The following RAD51B variants were observed in gnomAD, a reference collection of about 807,000 sequenced individuals.
RAD51B encodes RAD51 paralog B.
RAD51B carries 38 observed loss-of-function variants against 42.2 expected under a neutral mutation model. That is an observed-to-expected ratio of 0.90 (90% CI 0.70 to 1.18). The LOEUF is 1.18. RAD51B is among the 50% of genes most tolerant of loss of function. The probability of loss-of-function intolerance (pLI) is 0.00; values close to 1 mark genes in which losing one functional copy is unlikely to be tolerated. For synonymous variants in RAD51B, 154 were observed against 145.2 expected (o/e 1.06, Z -0.43); for missense variants, 373 against 400.7 (o/e 0.93, Z 0.59).
At chr14:68,679,225 G>T (rs1893377540) in intron 11 of RAD51B, among the ~76,000 whole-genome samples, 1 of 152,130 alleles carries the variant, frequency 6.6e-6, no homozygotes, top group African/African-American at 2.4e-5. Flanking sequence ...GCAAACTTAT[G>T]ATCTAGGCTT....
At chr14:68,304,943 C>G (rs2081828852) in intron 8 of RAD51B, among the ~76,000 whole-genome samples, 1 of 152,182 alleles carries the variant, frequency 6.6e-6, no homozygotes, top group South Asian at 2.1e-4. Flanking sequence ...TATTGGATAT[C>G]TAGAGCAGCA....
rs187544968 is a variant in RAD51B at position 68,288,098 on chromosome 14, C to T, written c.757-3786C>T. Among the ~76,000 whole-genome samples the T allele has an allele frequency of 3.9e-5, 6 of 152,224 alleles. No homozygotes were observed. In the East Asian group the frequency reaches 7.7e-4, roughly 20 times the overall value. On this transcript the variant is annotated intron_variant, in intron 7 of 10. Coordinates refer to ENST00000471583, the MANE Select transcript of RAD51B (RefSeq NM_133510.4). ...AAAGCAGCAGGAAAACCCCATGAAG[C>T]GTCAGTTAGAAACCAGACTGTGTTG...
intron 5 of RAD51B, among the ~76,000 whole-genome samples, chr14:67,872,817 T>C (rs2042588483): frequency 6.6e-6 from 1 of 151,358 alleles, no homozygotes; most frequent in Admixed American, 6.6e-5. Flanking sequence ...TTGACAAACC[T>C]GAGAAAAACA....
intron 7 of RAD51B, among the ~76,000 whole-genome samples, chr14:68,260,183 G>A (rs950331189): frequency 3.3e-5 from 5 of 151,892 alleles, no homozygotes; most frequent in African/African-American, 1.2e-4. Context: ...ATGGGTCTTG[G>A]GAAAAGTGAG....
intron 7 of RAD51B, among the ~76,000 whole-genome samples, chr14:68,117,438 T>C (rs1354738244): frequency 2.0e-5 from 3 of 152,156 alleles, no homozygotes; most frequent in Non-Finnish European, 4.4e-5. Context: ...AAAAAAGATA[T>C]GACCGTGGAG....
intron 7 of RAD51B, among the ~76,000 whole-genome samples, chr14:68,074,032 C>T (rs933760640): frequency 7.9e-5 from 12 of 152,060 alleles, no homozygotes; most frequent in Non-Finnish European, 1.3e-4. Flanking sequence ...TAGTAGCTCA[C>T]GGCAGTTCTT....
At chr14:67,934,970 T>C (rs2044883428) in intron 7 of RAD51B, among the ~76,000 whole-genome samples, 1 of 152,252 alleles carries the variant, frequency 6.6e-6, no homozygotes, top group Non-Finnish European at 1.5e-5. Context: ...CTCTGCTATA[T>C]AGCACACTAT....
chr14:67,936,079 G>A (rs1238189760), intron 7 of RAD51B, among the ~76,000 whole-genome samples: 1 of 152,106 alleles, frequency 6.6e-6, no homozygotes, highest in Non-Finnish European at 1.5e-5. Flanking sequence ...AATTTTAACA[G>A]CTTTTTGAGA....
intron 7 of RAD51B, among the ~76,000 whole-genome samples, chr14:68,063,128 C>T (rs1233430193): frequency 2.0e-5 from 3 of 151,720 alleles, no homozygotes; most frequent in East Asian, 3.9e-4. Flanking sequence ...TTCTTTCTCT[C>T]TTTTTTGGCT....
chr14:68,105,205 G>A (rs2077357138), intron 7 of RAD51B, among the ~76,000 whole-genome samples: 1 of 151,260 alleles, frequency 6.6e-6, no homozygotes, highest in Admixed American at 6.6e-5. Flanking sequence ...ACAAAATTTC[G>A]GAGCTTCTCA....
intron 5 of RAD51B, among the ~76,000 whole-genome samples, chr14:67,872,725 TGG>T (rs1282860361): frequency 6.6e-6 from 1 of 151,252 alleles, no homozygotes; most frequent in Non-Finnish European, 1.5e-5. Flanking sequence ...AGCATGGTAC[TGG>T]TACCAAAACA....
At chr14:67,905,992 T>G (rs551476381) in intron 7 of RAD51B, among the ~76,000 whole-genome samples, 58 of 152,270 alleles carry the variant, frequency 3.8e-4, no homozygotes, top group African/African-American at 1.3e-3. Context: ...AGGGGAATGC[T>G]TCAAGCTTTT....
intron 10 of RAD51B, among the ~76,000 whole-genome samples, chr14:68,549,409 A>ATTTTTTTT (rs71129897): frequency 0.012 from 732 of 63,490 alleles, 69 homozygotes; most frequent in Non-Finnish European, 0.013. Flanking sequence ...CCCTGGACAC[A>ATTTTTTTT]TTTTTTTTTT....
intron 10 of RAD51B, among the ~76,000 whole-genome samples, chr14:68,552,291 G>A (rs1270173080): frequency 6.6e-6 from 1 of 152,160 alleles, no homozygotes; most frequent in African/African-American, 2.4e-5. Flanking sequence ...CCAGGCATTG[G>A]GATTGGGGTG....
intron 10 of RAD51B, among the ~76,000 whole-genome samples, chr14:68,523,087 A>C (rs1348846907): frequency 6.6e-6 from 1 of 152,170 alleles, no homozygotes; most frequent in Non-Finnish European, 1.5e-5. Context: ...TTTGGTGTAC[A>C]TATTTGAGGA....
At chr14:68,179,356 C>T (rs923922618) in intron 7 of RAD51B, among the ~76,000 whole-genome samples, 5 of 152,052 alleles carry the variant, frequency 3.3e-5, no homozygotes, top group Admixed American at 2.0e-4. Flanking sequence ...ATTAAAAATA[C>T]GTATTTAAAT....
chr14:68,171,266 G>A (rs1032679503), intron 7 of RAD51B, among the ~76,000 whole-genome samples: 2 of 152,154 alleles, frequency 1.3e-5, no homozygotes, highest in African/African-American at 2.4e-5. Context: ...TGGAGAAAAG[G>A]ATTCAAGACT....
intron 4 of RAD51B, among the ~76,000 whole-genome samples, chr14:67,843,223 A>T (rs2041492553): frequency 6.9e-6 from 1 of 145,434 alleles, no homozygotes. Context: ...ACATATGTAT[A>T]CATGTGCCAT....
chr14:68,570,394 C>G (rs1042969988), intron 10 of RAD51B, among the ~76,000 whole-genome samples: 1 of 152,230 alleles, frequency 6.6e-6, no homozygotes, highest in Non-Finnish European at 1.5e-5. Context: ...GAGAAACCAG[C>G]CTTGTCACTT....
Sources: gnomAD v4.1 joint callset for allele counts (sites outside exome capture counted in the v4.1 genomes callset) on GRCh38, gnomAD v4.1.1 for gene constraint, MANE v1.5 for transcripts, NCBI Gene and HGNC (gene_info 2026-07-23, HGNC 2026-07-21) for gene names.